The following ATR variants were observed in gnomAD, a reference collection of about 807,000 sequenced individuals.
ATR encodes serine/threonine-protein kinase ATR.
In ATR, 142 loss-of-function variants were observed where a neutral mutation model predicts 305.3. The ratio of observed to expected loss-of-function variants is 0.47; its 90% CI spans 0.41 to 0.53. The LOEUF is 0.53. Among genes scored for constraint, ATR ranks in the 20% least tolerant of loss-of-function variants. ATR has a pLI of 0.00. For synonymous variants in ATR, 1,050 were observed against 1,068.1 expected (o/e 0.98, Z 0.33); for missense variants, 2,135 against 3,133.1 (o/e 0.68, Z 7.60).
At chr3:142,469,837 C>T (rs1168812210) in intron 37 of ATR, among the ~76,000 whole-genome samples, 5 of 152,140 alleles carry the variant, frequency 3.3e-5, no homozygotes, top group Admixed American at 2.0e-4. Context: ...AAAACTAACA[C>T]ATTTTAATAT....
Position 142,457,634 on chromosome 3 carries a change from A to T in ATR, c.7625T>A (p.Leu2542Gln). ...TAAAGGCTCTCGCTGATCACGCATC[A>T]GCCTCATTGTAACTTCACATGCTCT... ...FRRACEVTMR[L>Q]MRDQREPLMS... Residue 2542 changes from leucine (L) to glutamine (Q), a missense_variant, in exon 45 of 47, where the codon CTG (leucine) becomes CAG (glutamine). Leu to Gln is a moderately radical substitution (Grantham distance 113). Around this residue, in one of 9 missense-constraint regions of ATR, gnomAD observed 462 missense variants for 887.6 expected, o/e 0.52. Coordinates refer to ENST00000350721, the MANE Select transcript of ATR (RefSeq NM_001184.4). The T allele has an allele frequency of 6.2e-7, 1 of 1,614,102 alleles. No individual in the cohort carries two copies. The highest frequency in any genetic ancestry group is 8.5e-7 in the Non-Finnish European group (1 of 1,179,962).
chr3:142,522,997 A>G (rs1213587040), intron 22 of ATR, among the ~76,000 whole-genome samples, 156 bp from the exon 23 acceptor site: 2 of 152,252 alleles, frequency 1.3e-5, no homozygotes, highest in Non-Finnish European at 2.9e-5. Context: ...TTTGGTATCA[A>G]GACTACAATA....
At chr3:142,492,609 T>C (rs1366745301) in intron 35 of ATR, among the ~76,000 whole-genome samples, 1 of 152,222 alleles carries the variant, frequency 6.6e-6, no homozygotes, top group East Asian at 1.9e-4. Flanking sequence ...CTTAACTCGT[T>C]AATTTTGAAC....
At chr3:142,506,559 C>A (rs1021802830) in intron 28 of ATR, among the ~76,000 whole-genome samples, 4 of 151,896 alleles carry the variant, frequency 2.6e-5, no homozygotes, top group Non-Finnish European at 5.9e-5. Context: ...GTGGTAGCAG[C>A]GCCTGTGGTC....
At chr3:142,523,086 A>AT (rs2033219034) in intron 22 of ATR, among the ~76,000 whole-genome samples, 1 of 152,188 alleles carries the variant, frequency 6.6e-6, no homozygotes, top group South Asian at 2.1e-4. Flanking sequence ...CAACTTTTGC[A>AT]TATCTCTGAC....
At chr3:142,558,203 A>G (rs1454320595) in intron 8 of ATR, among the ~76,000 whole-genome samples, 2 of 152,008 alleles carry the variant, frequency 1.3e-5, no homozygotes, top group Non-Finnish European at 2.9e-5. Flanking sequence ...TAAGTCTTAG[A>G]AGTCCTATAT....
At position 142,499,715 on chromosome 3, in the gene ATR, G is replaced by T; in HGVS notation, c.5292C>A (p.Ser1764=). ...ACGTGTTTAATTCATCTGTCCACTC[G>T]GACCTATTAAAAGAAACCCATATCA... The part of the protein sequence containing the change: ...TQVNGVHANR[S]EWTDELNTYR... Residue 1764 remains serine, a synonymous_variant, in exon 31 of 47, where the codon TCC becomes TCA. Transcript: ENST00000350721. The T allele has an allele frequency of 6.2e-7, 1 of 1,613,712 alleles. No individual in the cohort carries two copies. The highest frequency in any genetic ancestry group is 1.1e-5 in the South Asian group (1 of 91,068).
chr3:142,530,665 C>T (rs1354372630), intron 21 of ATR, among the ~76,000 whole-genome samples: 1 of 151,966 alleles, frequency 6.6e-6, no homozygotes, highest in Non-Finnish European at 1.5e-5. Flanking sequence ...TTTGGTTCAT[C>T]TCTGATTTTG....
At chr3:142,542,525 A>G (rs1559978695) in intron 17 of ATR, 140 bp downstream of exon 17, 1 of 852,588 alleles carries the variant, frequency 1.2e-6, no homozygotes, top group Non-Finnish European at 1.9e-6. Flanking sequence ...TAGACTCCCA[A>G]AAAACGTATA....
Position 142,524,050 on chromosome 3 carries a change from A to G in ATR, c.4095T>C (p.Asp1365=). Residue 1365 remains aspartate (D), a synonymous_variant, in exon 22 of 47, where the codon GAT becomes GAC. Transcript: ENST00000350721. ...TTGTTGAGAAATCTAATCGACCTGG[A>G]TCTATCGCCCCCAATTCCCCTAAAC... The part of the protein sequence containing the change: ...GECLGELGAI[D]PGRLDFSTTE... 1 of 1,614,104 alleles carries G rather than the reference A, an allele frequency of 6.2e-7. No individual in the cohort carries two copies. The highest frequency in any genetic ancestry group is 8.5e-7 in the Non-Finnish European group (1 of 1,180,008).
Position 142,449,268 on chromosome 3 carries a change from G to T in ATR, c.*161C>A. The T allele has an allele frequency of 1.6e-6, 1 of 644,740 alleles. No homozygotes were observed. The highest frequency in any genetic ancestry group is 2.6e-6 in the Non-Finnish European group (1 of 380,614). The allele number at this position is 644,740 out of a possible 1,614,324, so 39.9% of individuals were successfully genotyped here. A position where few individuals can be genotyped will look rare whatever the true frequency, so the allele number is the denominator to read the frequency against. ...GAAAGCAGTTTATTTCTTAATAACTGAATGTATATTATTTTACATATAATT... is the reference window on the plus strand; with the variant it reads ...GAAAGCAGTTTATTTCTTAATAACTTAATGTATATTATTTTACATATAATT... On this transcript the variant is annotated 3_prime_UTR_variant, in exon 47 of 47. Transcript: ENST00000350721.
intron 36 of ATR, among the ~76,000 whole-genome samples, chr3:142,476,519 A>T (rs951184020): frequency 2.0e-5 from 3 of 152,150 alleles, no homozygotes; most frequent in African/African-American, 4.8e-5. Flanking sequence ...GCTTGAAGTC[A>T]GGTAGCGTGA....
Position 142,513,482 on chromosome 3 carries a change from G to C in ATR, c.4641+19C>G. The C allele has an allele frequency of 1.2e-6, 2 of 1,612,552 alleles. No individual in the cohort carries two copies. Among genetic ancestry groups the C allele is most frequent in the Non-Finnish European group, 1.7e-6 (2 of 1,179,076 alleles). Reference sequence around the variant, plus strand: ...TAAGTTTCACATGTTCAAAAACCAAGTAAGATGATTTATCTCACCTCCTGC... The same window carrying C: ...TAAGTTTCACATGTTCAAAAACCAACTAAGATGATTTATCTCACCTCCTGC... On this transcript the variant is annotated intron_variant, in intron 26 of 46. Transcript: ENST00000350721.
At chr3:142,522,038 G>T (rs1317002506) in intron 23 of ATR, among the ~76,000 whole-genome samples, 1 of 152,208 alleles carries the variant, frequency 6.6e-6, no homozygotes, top group Non-Finnish European at 1.5e-5. Flanking sequence ...AAACTTCGTT[G>T]TCTGATTTTT....
rs1168273049 is a variant in ATR, at chr3:142,553,981, A to C, written c.2376T>G (p.His792Gln). 1 of 1,609,908 alleles carries C rather than the reference A, an allele frequency of 6.2e-7. No individual in the cohort carries two copies. The highest frequency in any genetic ancestry group is 8.5e-7 in the Non-Finnish European group (1 of 1,178,180). ...CTGTTTCATCTTCTCTAAAATCAAGATGCTTACAAAGATGATGTAGATTAT... is the reference window on the plus strand; with the variant it reads ...CTGTTTCATCTTCTCTAAAATCAAGCTGCTTACAAAGATGATGTAGATTAT... ...FIDNLHHLCK[H>Q]LDFREDETDV... The change falls in exon 11 of 47, where the codon CAT becomes CAG. Residue 792 changes from histidine (H) to glutamine (Q), a missense_variant. Around this residue, in one of 9 missense-constraint regions of ATR, gnomAD observed 530 missense variants for 766.8 expected, o/e 0.69. Coordinates refer to ENST00000350721, the MANE Select transcript of ATR (RefSeq NM_001184.4).
chr3:142,499,798 CTATT>C (rs2031858794), intron 30 of ATR, 80 bp from the exon 31 acceptor site: 21 of 1,113,760 alleles, frequency 1.9e-5, no homozygotes, highest in South Asian at 6.5e-5. Context: ...TTTACATACT[CTATT>C]TATTATATTT....
At chr3:142,466,285 T>C (rs1157683329) in intron 40 of ATR, 39 bp downstream of exon 40, 2 of 1,576,762 alleles carry the variant, frequency 1.3e-6, no homozygotes, top group South Asian at 1.1e-5. Context: ...TTTTAACAAC[T>C]AAATTTTAAA....
intron 31 of ATR, 22 bp downstream of exon 31, chr3:142,499,605 A>G (rs371346984): frequency 2.5e-6 from 4 of 1,609,730 alleles, no homozygotes; most frequent in African/African-American, 2.7e-5. Flanking sequence ...AAAACTGCTT[A>G]TATTTTAAGA....
intron 27 of ATR, among the ~76,000 whole-genome samples, chr3:142,509,827 G>C (rs2032455833): frequency 6.6e-6 from 1 of 151,978 alleles, no homozygotes; most frequent in South Asian, 2.1e-4. Context: ...TTAAAAGCTA[G>C]AATTTTGGCC....
Sources: gnomAD v4.1 joint callset for allele counts (sites outside exome capture counted in the v4.1 genomes callset) on GRCh38, gnomAD v4.1.1 for gene constraint, gnomAD v4.1.1 regional missense constraint, MANE v1.5 for transcripts, NCBI Gene and HGNC (gene_info 2026-07-23, HGNC 2026-07-21) for gene names.